The following KCNMA1 variants were observed in gnomAD, a reference collection of about 807,000 sequenced individuals.
The protein encoded by KCNMA1 is potassium calcium-activated channel subfamily M alpha 1, also known as Calcium-activated potassium channel subunit alpha-1.
Under a neutral mutation model 140.0 loss-of-function variants are expected in KCNMA1, and 29 were observed. That is an observed-to-expected ratio of 0.21 (90% CI 0.15 to 0.28). KCNMA1 has a LOEUF of 0.28. Among genes scored for constraint, KCNMA1 ranks in the 10% least tolerant of loss-of-function variants. The pLI is 1.00. For missense variants in KCNMA1, 880 were observed against 1,602.2 expected (o/e 0.55, Z 7.70); for synonymous variants, 612 against 611.9 (o/e 1.00, Z 0.00).
chr10:77,067,800 C>A (rs2096014366), intron 14 of KCNMA1, among the ~76,000 whole-genome samples: 1 of 152,186 alleles, frequency 6.6e-6, no homozygotes, highest in South Asian at 2.1e-4. Context: ...TGGAGCTATG[C>A]AAACATGTGC....
chr10:76,982,795 C>T (rs748308900), intron 19 of KCNMA1, among the ~76,000 whole-genome samples: 7 of 152,150 alleles, frequency 4.6e-5, no homozygotes, highest in Admixed American at 3.3e-4. Context: ...CTGCCTAGCT[C>T]GCTCAGCCCA....
chr10:76,920,778 C>T (rs1335925765), intron 23 of KCNMA1, among the ~76,000 whole-genome samples: 3 of 152,196 alleles, frequency 2.0e-5, no homozygotes, highest in Non-Finnish European at 4.4e-5. Flanking sequence ...TGGGTGCTGG[C>T]CTTCTCCTTC....
intron 1 of KCNMA1, chr10:77,635,096 G>A (rs1333519361): frequency 6.6e-6 from 1 of 152,190 alleles, no homozygotes; most frequent in Admixed American, 6.5e-5. Context: ...CCACTCAGCA[G>A]GTCTTGGGGC....
chr10:77,026,031 A>G (rs2093430120), intron 16 of KCNMA1, among the ~76,000 whole-genome samples: 1 of 150,406 alleles, frequency 6.6e-6, no homozygotes, highest in Non-Finnish European at 1.5e-5. Flanking sequence ...TAAAAACTAT[A>G]TCTACAAATA....
chr10:77,494,312 A>C (rs955957607), intron 1 of KCNMA1, among the ~76,000 whole-genome samples: 2 of 152,190 alleles, frequency 1.3e-5, no homozygotes, highest in Non-Finnish European at 2.9e-5. Flanking sequence ...GCCAGGGCTG[A>C]ATAGGTACTT....
At chr10:77,360,124 TAAG>T (rs940494702) in intron 2 of KCNMA1, among the ~76,000 whole-genome samples, 2 of 152,220 alleles carry the variant, frequency 1.3e-5, no homozygotes, top group African/African-American at 4.8e-5. Flanking sequence ...AATATGCACA[TAAG>T]AAGAGCCCAT....
At chr10:76,997,783 G>T (rs188353121) in intron 19 of KCNMA1, among the ~76,000 whole-genome samples, 1 of 152,092 alleles carries the variant, frequency 6.6e-6, no homozygotes, top group South Asian at 2.1e-4. Context: ...TGAAAAAGCC[G>T]AGGCCCATAC....
chr10:77,189,383 G>A (rs957405752), intron 3 of KCNMA1, among the ~76,000 whole-genome samples: 2 of 152,028 alleles, frequency 1.3e-5, no homozygotes, highest in East Asian at 1.9e-4. Flanking sequence ...TTTCAGATGC[G>A]AACAAGGGGG....
chr10:77,083,654 C>A (rs1300076968), intron 12 of KCNMA1, among the ~76,000 whole-genome samples: 2 of 151,804 alleles, frequency 1.3e-5, no homozygotes, highest in Non-Finnish European at 2.9e-5. Flanking sequence ...CATAGCAAGA[C>A]CCTGTCCCTA....
At chr10:77,567,175 T>C (rs2068637763) in intron 1 of KCNMA1, among the ~76,000 whole-genome samples, 1 of 152,154 alleles carries the variant, frequency 6.6e-6, no homozygotes, top group Non-Finnish European at 1.5e-5. Context: ...ACAGTAGAGT[T>C]CAAGCTCAAC....
intron 1 of KCNMA1, among the ~76,000 whole-genome samples, chr10:77,512,958 CCTTA>C (rs922470550): frequency 2.0e-5 from 3 of 152,188 alleles, no homozygotes; most frequent in Admixed American, 2.0e-4. Flanking sequence ...TACTCCCTGG[CCTTA>C]CTGTTACAAG....
At chr10:77,611,381 T>C (rs2720010) in intron 1 of KCNMA1, among the ~76,000 whole-genome samples, 33,413 of 152,086 alleles carry the variant, frequency 0.22, 3,960 homozygotes, top group African/African-American at 0.27. Flanking sequence ...CAAGGCCAAC[T>C]GTAAGGAGAG....
In KCNMA1 at chr10:77,012,061, A is replaced by C. The variant is rs1226062173; in HGVS notation, c.2016-18T>G. 2.5e-6 allele frequency: 4 copies of C among 1,613,390 alleles called. No homozygotes were observed. The highest frequency in any genetic ancestry group is 2.5e-6 in the Non-Finnish European group (3 of 1,179,726). Reference sequence around the variant, plus strand: ...AAAATGCCCTGGAGAAAGAGAATGGAAAAACTGACACGTTTCATAATCCAC... The same window carrying C: ...AAAATGCCCTGGAGAAAGAGAATGGCAAAACTGACACGTTTCATAATCCAC... On this transcript the variant is annotated intron_variant, in intron 17 of 27. Coordinates refer to ENST00000286628, the MANE Select transcript of KCNMA1 (RefSeq NM_001161352.2).
chr10:77,531,102 GC>G (rs2057491424), intron 1 of KCNMA1, among the ~76,000 whole-genome samples: 1 of 152,160 alleles, frequency 6.6e-6, no homozygotes, highest in Admixed American at 6.5e-5. Flanking sequence ...ACTTGGGGAA[GC>G]AAGCGTTCAA....
rs530950347 is a variant in KCNMA1, at chr10:77,636,216, T to C, written c.378+1049A>G. 3.1e-4 allele frequency: 442 copies of C among 1,428,998 alleles called. No individual in the cohort carries two copies. The African/African-American group carries it at 5.8e-3, about 19-fold the overall frequency. 88.5% of individuals were successfully genotyped at this position (1,428,998 alleles called of 1,614,324 possible). A position where few individuals can be genotyped will look rare whatever the true frequency, so the allele number is the denominator to read the frequency against. On this transcript the variant is annotated intron_variant, in intron 1 of 27. Transcript: ENST00000286628. ...TCACTCTCTTTTTTCCAGTTCTTTC[T>C]TTTTTATTCTGCAGTTTTCTATCAG...
intron 1 of KCNMA1, among the ~76,000 whole-genome samples, chr10:77,512,044 G>C (rs2048587403): frequency 6.6e-6 from 1 of 152,236 alleles, no homozygotes; most frequent in Non-Finnish European, 1.5e-5. Flanking sequence ...TTGATGGTGA[G>C]CAGGAAGCCC....
At chr10:76,974,392 C>A in intron 19 of KCNMA1, 1 of 723,366 alleles carries the variant, frequency 1.4e-6, no homozygotes, top group Non-Finnish European at 2.3e-6. Context: ...AGTAGTGCAT[C>A]GCTCTTCTTC....
chr10:77,393,008 G>A (rs754108060), intron 2 of KCNMA1, among the ~76,000 whole-genome samples: 4 of 152,182 alleles, frequency 2.6e-5, no homozygotes, highest in African/African-American at 7.2e-5. Context: ...AGCCCAGCCC[G>A]TTCTCCAGTC....
intron 1 of KCNMA1, among the ~76,000 whole-genome samples, chr10:77,548,753 TC>T (rs1259907542): frequency 6.6e-6 from 1 of 152,192 alleles, no homozygotes; most frequent in African/African-American, 2.4e-5. Context: ...CTCACTTTCT[TC>T]TTCTGTCAAA....
Sources: gnomAD v4.1 joint callset for allele counts (sites outside exome capture counted in the v4.1 genomes callset) on GRCh38, gnomAD v4.1.1 for gene constraint, MANE v1.5 for transcripts, NCBI Gene and HGNC (gene_info 2026-07-23, HGNC 2026-07-21) for gene names.